Variants in SUMF1 observed in about 807,000 individuals in gnomAD.
SUMF1 encodes the protein formylglycine-generating enzyme.
SUMF1 carries 48 observed loss-of-function variants against 47.6 expected under a neutral mutation model. The observed-to-expected ratio is 1.01, with a 90% CI of 0.80 to 1.28. The LOEUF (loss-of-function observed/expected upper bound fraction) is 1.28, where lower values mean the gene tolerates loss of function less well. SUMF1 is among the 50% of genes most tolerant of loss of function. The pLI is 0.00. For synonymous variants in SUMF1, 230 were observed against 192.1 expected (o/e 1.20, Z -1.63); for missense variants, 571 against 485.4 (o/e 1.18, Z -1.66).
At chr3:4,340,231 A>C (rs1247361975) in intron 8 of SUMF1, among the ~76,000 whole-genome samples, 2 of 152,146 alleles carry the variant, frequency 1.3e-5, no homozygotes, top group African/African-American at 4.8e-5. Flanking sequence ...GATGATGCTG[A>C]TGCTGCTGAA....
chr3:4,087,123 G>T (rs1400630946), intron 8 of SUMF1, among the ~76,000 whole-genome samples: 2 of 152,148 alleles, frequency 1.3e-5, no homozygotes, highest in African/African-American at 4.8e-5. Flanking sequence ...CTATGGCGCT[G>T]AGCAACTTTG....
rs200930870 is a variant in SUMF1, at chr3:4,318,836, G to GT, written c.1014+57493dup. On this transcript the variant is annotated intron_variant and NMD_transcript_variant, in intron 8 of 12. Coordinates refer to the SUMF1 transcript ENST00000448413. ...GGCAGGAGAATCATTTGAACCTGGG[G>GT]TGGAGGTTACAGCGAGCTGAGATTA... is the stretch of plus-strand genomic sequence containing the variant. Among the ~76,000 whole-genome samples the GT allele has an allele frequency of 6.0e-3, 906 of 151,814 alleles. 10 individuals are homozygous for GT. The highest frequency in any genetic ancestry group is 0.021 in the African/African-American group (864 of 41,144).
At chr3:4,381,929 T>C (rs794208) in intron 7 of SUMF1, among the ~76,000 whole-genome samples, 140,247 of 152,184 alleles carry the variant, frequency 0.92, 65,029 homozygotes, top group Non-Finnish European at 0.98. Flanking sequence ...GCCTGTAGTC[T>C]CAGCTACTCA....
At chr3:4,250,132 A>G (rs1696763551) in intron 8 of SUMF1, among the ~76,000 whole-genome samples, 1 of 151,280 alleles carries the variant, frequency 6.6e-6, no homozygotes, top group African/African-American at 2.4e-5. Context: ...AGTGGAAGCC[A>G]AGATTGTGCC....
intron 8 of SUMF1, among the ~76,000 whole-genome samples, chr3:4,156,447 A>C (rs979587685): frequency 6.6e-6 from 1 of 151,430 alleles, no homozygotes; most frequent in African/African-American, 2.4e-5. Flanking sequence ...GTTCCCCACT[A>C]TATCTTCAAT....
Position 4,248,078 on chromosome 3 carries a change from T to C in SUMF1, c.1014+128252A>G, listed in dbSNP as rs201368451. On this transcript the variant is annotated intron_variant and NMD_transcript_variant, in intron 8 of 12. Coordinates refer to the SUMF1 transcript ENST00000448413. ...ATGGCATTATCATGGCTTTTGATAT[T>C]ACTAGTATTAATTTAATGGGATAAT... is the stretch of plus-strand genomic sequence containing the variant. Among the ~76,000 whole-genome samples, 4 of 152,350 alleles carry C rather than the reference T, an allele frequency of 2.6e-5. No individual in the cohort carries two copies. In the East Asian group the frequency reaches 7.7e-4, roughly 29 times the overall value.
chr3:4,456,715 TACATATATATACGTGTGTATATATAC>T (rs2079626208), intron 1 of SUMF1, among the ~76,000 whole-genome samples: 1 of 137,680 alleles, frequency 7.3e-6, no homozygotes, highest in African/African-American at 2.8e-5. Context: ...CGTATATATA[TACATATATATACGTGTGTATATATAC>T]ACACATATAT....
chr3:4,448,123 G>A (rs754226268), intron 3 of SUMF1, among the ~76,000 whole-genome samples: 10 of 151,994 alleles, frequency 6.6e-5, no homozygotes, highest in Non-Finnish European at 1.3e-4. Context: ...TGTGAAATTC[G>A]AATGGAGCTC....
At chr3:4,364,424 G>C (rs201867806) in intron 8 of SUMF1, among the ~76,000 whole-genome samples, 39,597 of 120,970 alleles carry the variant, frequency 0.33, 5,027 homozygotes, top group East Asian at 0.48. Flanking sequence ...TCTATTCAGA[G>C]ATTCAACTTC....
At chr3:4,083,081 G>T (rs1161811976) in intron 8 of SUMF1, among the ~76,000 whole-genome samples, 1 of 152,150 alleles carries the variant, frequency 6.6e-6, no homozygotes, top group African/African-American at 2.4e-5. Context: ...CCTCCGGCTA[G>T]ATCAAAGTGC....
chr3:4,306,217 A>G (rs1362477982), intron 8 of SUMF1, among the ~76,000 whole-genome samples: 1 of 152,188 alleles, frequency 6.6e-6, no homozygotes, highest in Non-Finnish European at 1.5e-5. Context: ...TGCCATATCC[A>G]AGAACAATCT....
At chr3:4,191,661 T>G (rs940813006) in intron 8 of SUMF1, among the ~76,000 whole-genome samples, 1 of 152,084 alleles carries the variant, frequency 6.6e-6, no homozygotes, top group Non-Finnish European at 1.5e-5. Context: ...GACTTGGTGT[T>G]AATTAGATGT....
At chr3:4,175,193 T>G (rs760690487) in intron 8 of SUMF1, among the ~76,000 whole-genome samples, 5 of 152,270 alleles carry the variant, frequency 3.3e-5, no homozygotes, top group Admixed American at 1.3e-4. Context: ...TCTCCCAGCA[T>G]GGCGTTTGAG....
chr3:4,420,838 G>A (rs1701875850), intron 3 of SUMF1, among the ~76,000 whole-genome samples: 1 of 152,156 alleles, frequency 6.6e-6, no homozygotes, highest in African/African-American at 2.4e-5. Context: ...GTCAACCATG[G>A]TGGTCAGAGA....
At chr3:4,255,591 A>T (rs1393728620) in intron 8 of SUMF1, among the ~76,000 whole-genome samples, 1 of 91,844 alleles carries the variant, frequency 1.1e-5, no homozygotes, top group East Asian at 2.3e-4. Flanking sequence ...TGCACCCAAC[A>T]CAGGAGCACC....
At chr3:4,244,909 T>C (rs1234640222) in intron 8 of SUMF1, among the ~76,000 whole-genome samples, 1 of 152,134 alleles carries the variant, frequency 6.6e-6, no homozygotes, top group Non-Finnish European at 1.5e-5. Flanking sequence ...CATAGTCCCA[T>C]ATTTCTTGGA....
chr3:4,317,200 C>G (rs1802310), intron 8 of SUMF1: 1 of 1,548,480 alleles, frequency 6.5e-7, no homozygotes. Flanking sequence ...CAACTTATTT[C>G]TCGTTGGCAA....
chr3:4,422,965 C>T (rs1381379416), intron 3 of SUMF1, among the ~76,000 whole-genome samples: 4 of 152,058 alleles, frequency 2.6e-5, no homozygotes, highest in African/African-American at 7.2e-5. Context: ...CCCCAAAGTC[C>T]GTTGTGCCAT....
chr3:4,417,895 G>C (rs577907052), intron 5 of SUMF1, 115 bp downstream of exon 5: 1 of 1,560,258 alleles, frequency 6.4e-7, no homozygotes, highest in East Asian at 2.2e-5. Context: ...ATAAGAAAAA[G>C]AATTATTGTC....
Sources: gnomAD v4.1 joint callset for allele counts (sites outside exome capture counted in the v4.1 genomes callset) on GRCh38, gnomAD v4.1.1 for gene constraint, MANE v1.5 for transcripts, NCBI Gene and HGNC (gene_info 2026-07-23, HGNC 2026-07-21) for gene names.